Variants in SIRT2 observed in about 807,000 individuals in gnomAD.
SIRT2 encodes NAD-dependent protein deacetylase sirtuin-2.
SIRT2 carries 40 observed loss-of-function variants against 57.4 expected under a neutral mutation model. The observed-to-expected ratio is 0.70, with a 90% CI of 0.54 to 0.91. The LOEUF is 0.91. SIRT2 is among the 40% of genes least tolerant of loss of function. The pLI, the probability that SIRT2 is intolerant of heterozygous loss-of-function variation, is 0.00. For synonymous variants in SIRT2, 161 were observed against 195.7 expected (o/e 0.82, Z 1.48); for missense variants, 439 against 510.4 (o/e 0.86, Z 1.35).
At chr19:38,896,709 G>C (rs865860085) in intron 2 of SIRT2, among the ~76,000 whole-genome samples, 1 of 152,202 alleles carries the variant, frequency 6.6e-6, no homozygotes, top group Admixed American at 6.5e-5. Flanking sequence ...CTCTGACAGT[G>C]GTCGTGCTTT....
intron 4 of SIRT2, among the ~76,000 whole-genome samples, chr19:38,890,361 A>C (rs915175389): frequency 6.6e-6 from 1 of 152,214 alleles, no homozygotes; most frequent in Non-Finnish European, 1.5e-5. Flanking sequence ...AAGAAGTCAC[A>C]CAATCAACTG....
rs890580773 is a variant in SIRT2, at chr19:38,879,278, G to A, written c.1047C>T (p.His349=). 9.9e-6 allele frequency: 16 copies of A among 1,612,966 alleles called. No homozygotes were observed. The highest frequency in any genetic ancestry group is 1.7e-5 in the Admixed American group (1 of 59,754). ...CCCCCGACTGGGCATCTATGCTGGC[G>A]TGCTCCCTCCGGACAAGGTCCTCCA... ...KELEDLVRRE[H]ASIDAQSGAG... The change falls in exon 16 of 16, where the codon CAC becomes CAT. Residue 349 remains histidine (H), a synonymous_variant. Transcript: ENST00000249396.
intron 8 of SIRT2, among the ~76,000 whole-genome samples, chr19:38,886,452 G>T (rs1038540203): frequency 9.8e-5 from 14 of 142,138 alleles, no homozygotes; most frequent in Non-Finnish European, 1.9e-4. Context: ...TGACAACATG[G>T]TTTTTTTTTT....
rs1600104892 is a variant in SIRT2 at position 38,880,481 on chromosome 19, T to G, written c.876+204A>C. 4.8e-5 allele frequency: 21 copies of G among 439,080 alleles called. No homozygotes were observed. Among genetic ancestry groups the G allele is most frequent in the Non-Finnish European group, 6.5e-5 (16 of 246,652 alleles). The allele number at this position is 439,080 out of a possible 1,614,324, so 27.2% of individuals were successfully genotyped here. A position where few individuals can be genotyped will look rare whatever the true frequency, so the allele number is the denominator to read the frequency against. On this transcript the variant is annotated intron_variant, in intron 13 of 15. Transcript: ENST00000249396. This position sits in a 1 kb window ranked among gnomAD's most constrained non-coding sequence, Gnocchi z 4.1. ...GGCCTTCCTATCTGGCTTCAGCTGG[T>G]TTGAGTTGGAATTCTATCACTTGCT...
intron 1 of SIRT2, chr19:38,899,036 AAG>A: frequency 4.9e-6 from 1 of 203,334 alleles, no homozygotes; most frequent in Non-Finnish European, 1.0e-5. Context: ...TAGAAAGGAA[AAG>A]AGAAGGGAAG....
chr19:38,898,216 C>T (rs1236049785), intron 2 of SIRT2, among the ~76,000 whole-genome samples, 163 bp downstream of exon 2: 1 of 152,240 alleles, frequency 6.6e-6, no homozygotes, highest in Non-Finnish European at 1.5e-5. Flanking sequence ...TGACAATCCC[C>T]AGAATCTGCC....
intron 9 of SIRT2, 135 bp from the exon 10 acceptor site, chr19:38,881,626 C>T (rs2144669472): frequency 2.9e-6 from 2 of 690,164 alleles, no homozygotes; most frequent in Admixed American, 4.7e-5. Context: ...TGGGTGTCTC[C>T]TGAGGTGTCC....
At chr19:38,896,143 C>T (rs1358695950) in intron 2 of SIRT2, among the ~76,000 whole-genome samples, 1 of 152,066 alleles carries the variant, frequency 6.6e-6, no homozygotes, top group African/African-American at 2.4e-5. Context: ...AGAGATTGGA[C>T]AACCTCTGCA....
chr19:38,885,831 T>C (rs553084816), intron 8 of SIRT2, among the ~76,000 whole-genome samples: 7 of 151,910 alleles, frequency 4.6e-5, no homozygotes, highest in African/African-American at 1.7e-4. Flanking sequence ...CCTCGTGATC[T>C]GCCCACCTCA....
At chr19:38,893,908 G>T in intron 2 of SIRT2, 41 bp from the exon 3 acceptor site, 1 of 1,612,722 alleles carries the variant, frequency 6.2e-7, no homozygotes. Context: ...CGAGAGGTGG[G>T]ATTAGGGAGG....
At position 38,879,616 on chromosome 19, in the gene SIRT2, C is replaced by G. The variant is rs1182459635; in HGVS notation, c.947+16G>C. The G allele has an allele frequency of 3.8e-6, 6 of 1,563,366 alleles. No homozygotes were observed. The African/African-American group carries it at 8.2e-5, about 21-fold the overall frequency. On this transcript the variant is annotated intron_variant, in intron 14 of 15. Coordinates refer to ENST00000249396, the MANE Select transcript of SIRT2 (RefSeq NM_012237.4). ...CTGTCCCTTCCAGGCTGCCCCAACC[C>G]CCGGCGGGGCCTCACCTGTAGGCCT...
intron 8 of SIRT2, among the ~76,000 whole-genome samples, chr19:38,886,967 T>C (rs1973362421): frequency 6.6e-6 from 1 of 151,888 alleles, no homozygotes; most frequent in Admixed American, 6.6e-5. Flanking sequence ...AGACGGAGTC[T>C]CTCTCTGTCA....
chr19:38,881,023 GC>G, intron 11 of SIRT2, 76 bp downstream of exon 11: 1 of 1,554,258 alleles, frequency 6.4e-7, no homozygotes, highest in Non-Finnish European at 8.8e-7. Context: ...CTGAGGCAGG[GC>G]CCAGGCTGCC....
chr19:38,891,650 T>C (rs531003553), intron 4 of SIRT2: 14 of 317,704 alleles, frequency 4.4e-5, no homozygotes, highest in African/African-American at 3.2e-4. Context: ...CCCAGGCTAG[T>C]CTTGACCTAC....
Position 38,880,553 on chromosome 19 carries a change from G to T in SIRT2, c.876+132C>A. The stretch of plus-strand genomic sequence containing the variant: ...AGAGGCCTGGAACCCGACCCCTCTG[G>T]ATTCTAGAGCCCCAGGTTCTGAGCT... On this transcript the variant is annotated intron_variant, in intron 13 of 15. Coordinates refer to ENST00000249396, the MANE Select transcript of SIRT2 (RefSeq NM_012237.4). This position sits in a 1 kb window ranked among gnomAD's most constrained non-coding sequence, Gnocchi z 4.1. The T allele has an allele frequency of 1.5e-6, 1 of 653,772 alleles. No homozygotes were observed. The highest frequency in any genetic ancestry group is 2.7e-6 in the Non-Finnish European group (1 of 374,000). The allele number at this position is 653,772 out of a possible 1,614,324, so 40.5% of individuals were successfully genotyped here.
intron 1 of SIRT2, 96 bp from the exon 2 acceptor site, chr19:38,898,521 C>A: frequency 1.9e-6 from 1 of 531,536 alleles, no homozygotes; most frequent in Non-Finnish European, 3.3e-6. Flanking sequence ...GAACACCCAC[C>A]AACCTAGTTA....
chr19:38,897,706 G>A (rs554282340), intron 2 of SIRT2, among the ~76,000 whole-genome samples: 1 of 152,182 alleles, frequency 6.6e-6, no homozygotes, highest in South Asian at 2.1e-4. Context: ...TAAATATTTT[G>A]TAGAGGTGGG....
chr19:38,899,490 C>G lies in SIRT2; in HGVS notation c.16+16G>C, dbSNP rs1256089938. ...CCCGGCGCGGCCCGACCCTCCTACC[C>G]GGATCCCCGACTCACGGTCTGGCTC... On this transcript the variant is annotated intron_variant, in intron 1 of 15. Coordinates refer to ENST00000249396, the MANE Select transcript of SIRT2 (RefSeq NM_012237.4). 2 of 1,613,194 alleles carry G rather than the reference C, an allele frequency of 1.2e-6. No homozygotes were observed. Among genetic ancestry groups the G allele is most frequent in the Non-Finnish European group, 1.7e-6 (2 of 1,179,848 alleles).
chr19:38,893,699 A>AC, intron 3 of SIRT2, 120 bp downstream of exon 3: 1 of 1,337,902 alleles, frequency 7.5e-7, no homozygotes, highest in South Asian at 1.3e-5. Context: ...TACCCAACCC[A>AC]CTGCTACATA....
Sources: allele counts gnomAD v4.1 joint callset (sites outside exome capture counted in the v4.1 genomes callset), GRCh38; gene constraint gnomAD v4.1.1; non-coding constraint Gnocchi (gnomAD v3.1); transcripts MANE v1.5; gene names NCBI Gene and HGNC (gene_info 2026-07-23, HGNC 2026-07-21).